LDLRAD3: variants seen among roughly 807,000 people sequenced by gnomAD.
LDLRAD3 encodes the protein low density lipoprotein receptor class A domain containing 3, also known as low-density lipoprotein receptor class A domain-containing protein 3.
LDLRAD3 carries 20 observed loss-of-function variants against 29.4 expected under a neutral mutation model. The observed-to-expected ratio is 0.68, with a 90% CI of 0.48 to 0.99. The LOEUF is 0.99. Ranked by LOEUF, LDLRAD3 falls within the 50% of genes least tolerant of loss-of-function variation. The pLI is 0.00. For synonymous variants in LDLRAD3, 157 were observed against 192.7 expected (o/e 0.81, Z 1.53); for missense variants, 420 against 454.3 (o/e 0.92, Z 0.69).
intron 4 of LDLRAD3, among the ~76,000 whole-genome samples, chr11:36,223,977 C>A (rs895302511): frequency 1.9e-4 from 28 of 151,140 alleles, no homozygotes; most frequent in African/African-American, 6.8e-4. Context: ...CATGTGTGAA[C>A]GTTAATAATG....
At chr11:36,058,431 G>C (rs181002163) in intron 2 of LDLRAD3, among the ~76,000 whole-genome samples, 1 of 152,174 alleles carries the variant, frequency 6.6e-6, no homozygotes, top group Non-Finnish European at 1.5e-5. Flanking sequence ...CAGATTGCGA[G>C]CTCTTTAAGT....
At chr11:36,110,262 G>A (rs990580696) in intron 4 of LDLRAD3, among the ~76,000 whole-genome samples, 8 of 152,146 alleles carry the variant, frequency 5.3e-5, no homozygotes, top group Non-Finnish European at 8.8e-5. Context: ...TTGTTACTGC[G>A]GTAATCTTTA....
intron 1 of LDLRAD3, among the ~76,000 whole-genome samples, chr11:36,005,296 T>G (rs773702368): frequency 1.3e-5 from 2 of 152,258 alleles, no homozygotes; most frequent in African/African-American, 4.8e-5. Flanking sequence ...AATGCTTTGC[T>G]GCTTAGAAAT....
chr11:35,968,389 A>G (rs1851368386), intron 1 of LDLRAD3: 1 of 359,796 alleles, frequency 2.8e-6, no homozygotes, highest in Non-Finnish European at 5.5e-6. Flanking sequence ...GGCTGGCACC[A>G]TGTGGCTGCT....
intron 1 of LDLRAD3, among the ~76,000 whole-genome samples, chr11:35,969,754 C>T (rs1851389090): frequency 6.6e-6 from 1 of 152,232 alleles, no homozygotes; most frequent in South Asian, 2.1e-4. Context: ...TCTCTGCTTT[C>T]AAGCAGCCCT....
At chr11:35,970,678 A>G (rs1212822111) in intron 1 of LDLRAD3, among the ~76,000 whole-genome samples, 1 of 152,228 alleles carries the variant, frequency 6.6e-6, no homozygotes, top group Admixed American at 6.5e-5. Context: ...ATCTTGCCCC[A>G]GGTCACTCAG....
At chr11:36,039,003 T>A (rs1279219618) in intron 2 of LDLRAD3, among the ~76,000 whole-genome samples, 2 of 148,488 alleles carry the variant, frequency 1.3e-5, no homozygotes, top group African/African-American at 5.0e-5. Flanking sequence ...GAGTCTTGCC[T>A]CTGTCACCCA....
intron 2 of LDLRAD3, among the ~76,000 whole-genome samples, chr11:36,064,527 C>G (rs1852760186): frequency 6.8e-6 from 1 of 147,140 alleles, no homozygotes; most frequent in Non-Finnish European, 1.5e-5. Context: ...GCCATGTTGC[C>G]CAGGCTGGTC....
chr11:36,177,015 T>C (rs1195042647), intron 4 of LDLRAD3, among the ~76,000 whole-genome samples: 4 of 152,258 alleles, frequency 2.6e-5, no homozygotes, highest in Admixed American at 2.6e-4. Flanking sequence ...ATTTTTTTTT[T>C]CTTTTTTCTT....
intron 1 of LDLRAD3, among the ~76,000 whole-genome samples, chr11:35,956,542 G>A (rs1009809088): frequency 2.0e-5 from 3 of 152,156 alleles, no homozygotes; most frequent in African/African-American, 7.2e-5. Flanking sequence ...TTGATGTGGT[G>A]ATTAAGAATA....
intron 1 of LDLRAD3, among the ~76,000 whole-genome samples, chr11:35,962,188 T>C (rs1268076733): frequency 6.6e-6 from 1 of 152,214 alleles, no homozygotes; most frequent in African/African-American, 2.4e-5. Flanking sequence ...AATAGCCTTT[T>C]TCCTTTTTTG....
At chr11:35,957,812 A>G (rs985665335) in intron 1 of LDLRAD3, among the ~76,000 whole-genome samples, 4 of 124,172 alleles carry the variant, frequency 3.2e-5, no homozygotes, top group South Asian at 2.5e-4. Context: ...AAAAAAAAAA[A>G]AAAGAAAAGA....
At chr11:36,216,775 C>T (rs997306921) in intron 4 of LDLRAD3, among the ~76,000 whole-genome samples, 14 of 152,280 alleles carry the variant, frequency 9.2e-5, no homozygotes, top group African/African-American at 3.1e-4. Flanking sequence ...CATGAAATAC[C>T]TCTTGCCATC....
At chr11:36,022,265 C>T (rs997421634) in intron 1 of LDLRAD3, among the ~76,000 whole-genome samples, 2 of 152,048 alleles carry the variant, frequency 1.3e-5, no homozygotes, top group African/African-American at 2.4e-5. Context: ...TATGAAATGA[C>T]GTGTTATGTA....
At position 36,229,526 on chromosome 11, in the gene LDLRAD3, T is replaced by C. The variant is rs940325541; in HGVS notation, c.*129T>C. ...TCAAGTTACAGTTTGGGATATTAAC[T>C]ATCTCTGCATTCCCCTCCTCCCCCA... On this transcript the variant is annotated 3_prime_UTR_variant, in exon 6 of 6. Transcript: ENST00000315571. The C allele has an allele frequency of 1.5e-6, 1 of 672,068 alleles. No homozygotes were observed. The highest frequency in any genetic ancestry group is 1.8e-5 in the African/African-American group (1 of 56,098). The allele number at this position is 672,068 out of a possible 1,614,324, so 41.6% of individuals were successfully genotyped here.
At chr11:36,168,739 A>G (rs1468574950) in intron 4 of LDLRAD3, among the ~76,000 whole-genome samples, 1 of 152,134 alleles carries the variant, frequency 6.6e-6, no homozygotes, top group African/African-American at 2.4e-5. Context: ...GCCAGGGAGT[A>G]TCGACCAAAA....
intron 1 of LDLRAD3, among the ~76,000 whole-genome samples, chr11:35,987,291 G>A (rs1260748550): frequency 6.6e-6 from 1 of 152,188 alleles, no homozygotes; most frequent in Non-Finnish European, 1.5e-5. Flanking sequence ...GGGGATACCT[G>A]TGCAGGTTTG....
chr11:36,174,719 C>T (rs1318976589), intron 4 of LDLRAD3, among the ~76,000 whole-genome samples: 7 of 152,318 alleles, frequency 4.6e-5, no homozygotes, highest in South Asian at 2.1e-4. Flanking sequence ...CAGTGGCTCA[C>T]GCCTGAAATC....
At position 35,944,273 on chromosome 11, in the gene LDLRAD3, GCGGACCCCGGCGCCGGGCTGGCC is replaced by G. The variant is rs1488602164; in HGVS notation, c.46+137_46+159del. The G allele has an allele frequency of 1.9e-4, 86 of 459,510 alleles. No individual in the cohort carries two copies. The highest frequency in any genetic ancestry group is 2.4e-4 in the Non-Finnish European group (84 of 348,730). 28.5% of individuals were successfully genotyped at this position (459,510 alleles called of 1,614,324 possible). On this transcript the variant is annotated intron_variant, in intron 1 of 5. Coordinates refer to ENST00000315571, the MANE Select transcript of LDLRAD3 (RefSeq NM_174902.4). This position sits in a 1 kb window ranked among gnomAD's most constrained non-coding sequence, Gnocchi z 4.9. Reference sequence around the variant, plus strand: ...CTCCGGGCGTGGGTGAGCGCGGAGGGCGGACCCCGGCGCCGGGCTGGCCCGGACCCTGCCGAGGGGCCGCCGCG... The same window carrying G: ...CTCCGGGCGTGGGTGAGCGCGGAGGGCGGACCCTGCCGAGGGGCCGCCGCG...
Sources: allele counts gnomAD v4.1 joint callset (sites outside exome capture counted in the v4.1 genomes callset), GRCh38; gene constraint gnomAD v4.1.1; non-coding constraint Gnocchi (gnomAD v3.1); transcripts MANE v1.5; gene names NCBI Gene and HGNC (gene_info 2026-07-23, HGNC 2026-07-21).